The following SNTB2 variants were observed in gnomAD, a reference collection of about 807,000 sequenced individuals.
SNTB2 encodes beta-2-syntrophin.
A neutral mutation model predicts 46.2 loss-of-function variants in SNTB2; 34 were observed. The observed-to-expected ratio is 0.74, with a 90% CI of 0.56 to 0.98. The LOEUF is 0.98. Ranked by LOEUF, SNTB2 falls within the 50% of genes least tolerant of loss-of-function variation. SNTB2 has a pLI of 0.00. For synonymous variants in SNTB2, 290 were observed against 312.6 expected (o/e 0.93, Z 0.76); for missense variants, 603 against 731.4 (o/e 0.82, Z 2.02).
At chr16:69,194,231 G>T (rs1288655557) in intron 1 of SNTB2, among the ~76,000 whole-genome samples, 1 of 152,152 alleles carries the variant, frequency 6.6e-6, no homozygotes, top group African/African-American at 2.4e-5. Context: ...CAATATGCAT[G>T]CTATACATCT....
At chr16:69,272,753 A>G (rs1313359961) in intron 4 of SNTB2, among the ~76,000 whole-genome samples, 1 of 151,364 alleles carries the variant, frequency 6.6e-6, no homozygotes, top group African/African-American at 2.4e-5. Context: ...TTAGCCAGGC[A>G]TGGTGGTATG....
chr16:69,245,035 G>A (rs1964655847), intron 1 of SNTB2, among the ~76,000 whole-genome samples: 1 of 152,228 alleles, frequency 6.6e-6, no homozygotes, highest in African/African-American at 2.4e-5. Flanking sequence ...GAGAGATTAA[G>A]TTTGTTCTAT....
rs762058012 is a variant in SNTB2, at chr16:69,265,830, GAAA to G, written c.1006-4297_1006-4295del. Among the ~76,000 whole-genome samples, 480 of 67,514 alleles carry G rather than the reference GAAA, an allele frequency of 7.1e-3. 2 individuals carry two copies. Among genetic ancestry groups the G allele is most frequent in the African/African-American group, 0.023 (473 of 20,246 alleles). 44.3% of individuals were successfully genotyped at this position (67,514 alleles called of 152,430 possible). ...TGACAGGGTGAGTCTCCGTGCCAAA[GAAA>G]AAAAAAAAAAAAAAAGAAATAAAAT... On this transcript the variant is annotated intron_variant, in intron 3 of 6. Coordinates refer to ENST00000336278, the MANE Select transcript of SNTB2 (RefSeq NM_006750.4).
Position 69,300,937 on chromosome 16 carries a change from C to A in SNTB2, c.*13C>A. ...ACTGCTTGTATGAGCAACAAAAAAT[C>A]AGAAAAGAGCCTTGACTGTCACAAG... On this transcript the variant is annotated 3_prime_UTR_variant, in exon 7 of 7. Transcript: ENST00000336278. 3 of 1,503,076 alleles carry A rather than the reference C, an allele frequency of 2.0e-6. No individual in the cohort carries two copies. Among genetic ancestry groups the A allele is most frequent in the Non-Finnish European group, 2.8e-6 (3 of 1,082,128 alleles). 93.1% of individuals were successfully genotyped at this position (1,503,076 alleles called of 1,614,324 possible). A position where few individuals can be genotyped will look rare whatever the true frequency, so the allele number is the denominator to read the frequency against.
intron 2 of SNTB2, among the ~76,000 whole-genome samples, chr16:69,254,716 G>A (rs1409782800): frequency 6.6e-6 from 1 of 152,192 alleles, no homozygotes; most frequent in Non-Finnish European, 1.5e-5. Context: ...AGTGGCTCAT[G>A]CCTATAATCC....
At chr16:69,278,164 A>G (rs1280957351) in intron 4 of SNTB2, among the ~76,000 whole-genome samples, 1 of 152,146 alleles carries the variant, frequency 6.6e-6, no homozygotes, top group East Asian at 1.9e-4. Context: ...ACAAAATATA[A>G]AAATGAGCTG....
intron 2 of SNTB2, among the ~76,000 whole-genome samples, chr16:69,256,657 T>A (rs1964779768): frequency 6.6e-6 from 1 of 152,226 alleles, no homozygotes; most frequent in South Asian, 2.1e-4. Flanking sequence ...ATTTCTTTCC[T>A]TATTAAGGCT....
intron 4 of SNTB2, among the ~76,000 whole-genome samples, chr16:69,270,781 C>T (rs1030568187): frequency 6.6e-5 from 10 of 152,162 alleles, no homozygotes; most frequent in Non-Finnish European, 1.2e-4. Flanking sequence ...CCTGAAGCCA[C>T]AGGGTGTTTC....
chr16:69,265,845 AAAAG>A (rs1201135707), intron 3 of SNTB2, among the ~76,000 whole-genome samples: 2 of 152,046 alleles, frequency 1.3e-5, no homozygotes, highest in East Asian at 1.9e-4. Flanking sequence ...AAAAAAAAAA[AAAAG>A]AAATAAAATT....
At chr16:69,209,605 T>C (rs1964258378) in intron 1 of SNTB2, among the ~76,000 whole-genome samples, 1 of 152,184 alleles carries the variant, frequency 6.6e-6, no homozygotes. Context: ...AATCTGGCCA[T>C]TGGTGGAAAT....
At chr16:69,299,535 C>A in intron 5 of SNTB2, 55 bp from the exon 6 acceptor site, 1 of 1,547,574 alleles carries the variant, frequency 6.5e-7, no homozygotes, top group Non-Finnish European at 8.9e-7. Flanking sequence ...TCCCTTTTCA[C>A]TTGATAACTG....
At chr16:69,247,946 C>T (rs1020265343) in intron 2 of SNTB2, among the ~76,000 whole-genome samples, 4 of 151,980 alleles carry the variant, frequency 2.6e-5, no homozygotes, top group African/African-American at 7.2e-5. Flanking sequence ...AGTGAGACCT[C>T]GCCTCTACAG....
rs1491135741 is a variant in SNTB2, at chr16:69,292,389, ATT to A, written c.1346-7200_1346-7199del. Among the ~76,000 whole-genome samples, 30 of 11,336 alleles carry A rather than the reference ATT, an allele frequency of 2.6e-3. 3 individuals carry two copies. The highest frequency in any genetic ancestry group is 3.8e-3 in the Non-Finnish European group (23 of 6,116). The allele number at this position is 11,336 out of a possible 152,430, so 7.4% of individuals were successfully genotyped here. On this transcript the variant is annotated intron_variant, in intron 5 of 6. Transcript: ENST00000336278. The stretch of plus-strand genomic sequence containing the variant: ...ATATATATATATATATTATATATAT[ATT>A]ATATATATATATATATTATATATAT...
intron 2 of SNTB2, among the ~76,000 whole-genome samples, chr16:69,252,070 T>C (rs976701684): frequency 3.9e-5 from 6 of 152,268 alleles, no homozygotes; most frequent in African/African-American, 1.4e-4. Context: ...ACCTTTGTGA[T>C]GGGTGCGTAG....
At chr16:69,280,514 G>C (rs1435672286) in intron 4 of SNTB2, among the ~76,000 whole-genome samples, 1 of 150,432 alleles carries the variant, frequency 6.6e-6, no homozygotes, top group Non-Finnish European at 1.5e-5. Flanking sequence ...CTCCCTCCCG[G>C]ATGGGGCGGC....
At chr16:69,272,889 C>CA (rs34011617) in intron 4 of SNTB2, among the ~76,000 whole-genome samples, 20,060 of 80,448 alleles carry the variant, frequency 0.25, 3,081 homozygotes, top group African/African-American at 0.45. Context: ...GACTCTGTCT[C>CA]AAAAAAAAAA....
chr16:69,258,605 CTTTTTTTTTT>C (rs67116274), intron 2 of SNTB2, among the ~76,000 whole-genome samples: 1 of 83,504 alleles, frequency 1.2e-5, no homozygotes, highest in African/African-American at 4.7e-5. Context: ...CTTGTTCTTT[CTTTTTTTTTT>C]TTTTTTTTTT....
intron 1 of SNTB2, among the ~76,000 whole-genome samples, chr16:69,207,457 C>T (rs1964234920): frequency 6.6e-6 from 1 of 152,060 alleles, no homozygotes; most frequent in Admixed American, 6.6e-5. Context: ...CGCGCCTGGT[C>T]AAAGTATAGA....
chr16:69,187,798 G>T, intron 1 of SNTB2, 52 bp downstream of exon 1: 1 of 1,332,618 alleles, frequency 7.5e-7, no homozygotes, highest in South Asian at 1.7e-5. Flanking sequence ...CTGGGCTCGC[G>T]GGAGCTCACT....
Sources: allele counts gnomAD v4.1 joint callset (sites outside exome capture counted in the v4.1 genomes callset), GRCh38; gene constraint gnomAD v4.1.1; transcripts MANE v1.5; gene names NCBI Gene and HGNC (gene_info 2026-07-23, HGNC 2026-07-21).